The following GABRA3 variants were observed in gnomAD, a reference collection of about 807,000 sequenced individuals.
The protein encoded by GABRA3 is gamma-aminobutyric acid type A receptor subunit alpha3.
GABRA3 carries 10 observed loss-of-function variants against 30.1 expected under a neutral mutation model. The observed-to-expected ratio is 0.33, with a 90% CI of 0.20 to 0.56. The LOEUF is 0.56. Among genes scored for constraint, GABRA3 ranks in the 20% least tolerant of loss-of-function variants. The pLI, the probability that GABRA3 is intolerant of heterozygous loss-of-function variation, is 0.89. For missense variants in GABRA3, 233 were observed against 392.0 expected (o/e 0.59, Z 3.42); for synonymous variants, 151 against 146.8 (o/e 1.03, Z -0.21).
At chrX:152,331,925 A>T (rs1442144707) in intron 3 of GABRA3, among the ~76,000 whole-genome samples, 1 of 112,068 alleles carries the variant, frequency 8.9e-6, no homozygotes, top group Non-Finnish European at 1.9e-5. Context: ...AAATAAATCT[A>T]CATTTAGTCA....
At chrX:152,342,693 A>G (rs1206332514) in intron 3 of GABRA3, among the ~76,000 whole-genome samples, 1 of 111,478 alleles carries the variant, frequency 9.0e-6, no homozygotes, top group Non-Finnish European at 1.9e-5. Flanking sequence ...TTTTACTGCT[A>G]TAAATATTTT....
intron 3 of GABRA3, among the ~76,000 whole-genome samples, chrX:152,326,305 T>C (rs1013665335): frequency 1.8e-4 from 20 of 111,566 alleles, no homozygotes; most frequent in African/African-American, 5.9e-4. Flanking sequence ...GGAGAACTTC[T>C]CCAACCTAGC....
chrX:152,194,755 C>T (rs1162316366), intron 8 of GABRA3, among the ~76,000 whole-genome samples: 1 of 110,959 alleles, frequency 9.0e-6, no homozygotes, highest in Non-Finnish European at 1.9e-5. Context: ...TTTAGGCTTT[C>T]TTATTTTCTT....
intron 9 of GABRA3, among the ~76,000 whole-genome samples, chrX:152,170,314 CTTTA>C (rs1343215646): frequency 3.6e-5 from 4 of 112,029 alleles, no homozygotes; most frequent in Non-Finnish European, 5.6e-5. Flanking sequence ...GCCAAGGACA[CTTTA>C]TTTATTTATT....
At chrX:152,273,582 A>G (rs1938988286) in intron 4 of GABRA3, among the ~76,000 whole-genome samples, 2 of 112,611 alleles carry the variant, frequency 1.8e-5, no homozygotes, top group African/African-American at 6.4e-5. Context: ...TACGGTATGT[A>G]TATGTAATGA....
rs1415368532 is a variant in GABRA3 at position 152,182,299 on chromosome X, T to TTA, written c.1143+7429_1143+7430dup. On this transcript the variant is annotated intron_variant, in intron 9 of 9. Coordinates refer to ENST00000370314, the MANE Select transcript of GABRA3 (RefSeq NM_000808.4). ...ACCCTTACAGCCATTGCCTGACGTG[T>TTA]TATATATATATATACACACACACAC... 4.7e-3 allele frequency among the ~76,000 whole-genome samples: 447 copies of TTA among 95,130 alleles called. 4 individuals are homozygous for TTA. Among genetic ancestry groups the TTA allele is most frequent in the African/African-American group, 0.016 (397 of 24,460 alleles). 82.6% of individuals were successfully genotyped at this position (95,130 alleles called of 115,157 possible). A position where few individuals can be genotyped will look rare whatever the true frequency, so the allele number is the denominator to read the frequency against.
intron 6 of GABRA3, among the ~76,000 whole-genome samples, chrX:152,210,406 C>T (rs192511419): frequency 1.7e-4 from 19 of 111,804 alleles, no homozygotes; most frequent in Admixed American, 5.7e-4. Flanking sequence ...GCTCTTAATT[C>T]TCTTGTAAGT....
chrX:152,300,381 TA>T (rs1939609259), intron 3 of GABRA3, among the ~76,000 whole-genome samples: 1 of 111,056 alleles, frequency 9.0e-6, no homozygotes, highest in Admixed American at 9.6e-5. Context: ...AAACTAAACT[TA>T]ACTAAGTTGA....
chrX:152,312,494 T>C (rs1233837760), intron 3 of GABRA3, among the ~76,000 whole-genome samples: 1 of 112,006 alleles, frequency 8.9e-6, no homozygotes, highest in Non-Finnish European at 1.9e-5. Context: ...TCAAGGTAGA[T>C]TAAAGACTTA....
At chrX:152,241,683 C>T (rs1238626222) in intron 5 of GABRA3, among the ~76,000 whole-genome samples, 3 of 109,358 alleles carry the variant, frequency 2.7e-5, no homozygotes, top group Non-Finnish European at 3.8e-5. Flanking sequence ...ACCCTCTGAG[C>T]CAGGTGTGGG....
chrX:152,429,749 C>T (rs1231629322), intron 1 of GABRA3, among the ~76,000 whole-genome samples: 1 of 112,077 alleles, frequency 8.9e-6, no homozygotes, highest in Non-Finnish European at 1.9e-5. Context: ...CACAATAAGA[C>T]TCTCCTCCTG....
chrX:152,405,832 G>C (rs1929920163), intron 1 of GABRA3, among the ~76,000 whole-genome samples: 1 of 110,991 alleles, frequency 9.0e-6, no homozygotes, highest in Non-Finnish European at 1.9e-5. Flanking sequence ...CTAGGCAATA[G>C]ATTCCATGGC....
chrX:152,439,742 T>C (rs1930871888), intron 1 of GABRA3, among the ~76,000 whole-genome samples: 1 of 111,233 alleles, frequency 9.0e-6, no homozygotes, highest in Non-Finnish European at 1.9e-5. Flanking sequence ...TACTCAGCAA[T>C]AATAAAGAAT....
intron 3 of GABRA3, among the ~76,000 whole-genome samples, chrX:152,317,844 T>A (rs1487005613): frequency 9.0e-6 from 1 of 111,329 alleles, no homozygotes; most frequent in African/African-American, 3.3e-5. Flanking sequence ...GTTCATAGCC[T>A]TAAATGCCTA....
chrX:152,208,150 G>A lies in GABRA3; in HGVS notation c.635-6C>T. On this transcript the variant is annotated splice_polypyrimidine_tract_variant and splice_region_variant and intron_variant, in intron 6 of 9. Transcript: ENST00000370314. The stretch of plus-strand genomic sequence containing the variant: ...TTCAGCTGTTGTATAGGCATCTAAG[G>A]CAGAGAAGGGTCAATAAAGAGAAGT... 8.3e-7 allele frequency: 1 copy of A among 1,205,761 alleles called. No individual in the cohort carries two copies.
intron 6 of GABRA3, among the ~76,000 whole-genome samples, chrX:152,223,649 C>CAT (rs766522590): frequency 0.026 from 2,773 of 105,159 alleles, 45 homozygotes; most frequent in Middle Eastern, 0.064. Flanking sequence ...GCTCTATTTC[C>CAT]ATATATATAT....
intron 5 of GABRA3, among the ~76,000 whole-genome samples, chrX:152,241,696 A>G (rs1938376944): frequency 9.2e-6 from 1 of 109,108 alleles, no homozygotes; most frequent in Admixed American, 9.7e-5. Context: ...GGTGTGGGAT[A>G]TAGTCTCGTG....
intron 1 of GABRA3, among the ~76,000 whole-genome samples, chrX:152,440,854 G>A (rs1430159903): frequency 9.1e-6 from 1 of 110,482 alleles, no homozygotes; most frequent in Non-Finnish European, 1.9e-5. Flanking sequence ...CACACACTGG[G>A]GCCCGTCAGG....
In GABRA3 at chrX:152,168,129, A is replaced by G. The variant is rs200912301; in HGVS notation, c.*99T>C. The G allele has an allele frequency of 1.5e-6, 1 of 648,209 alleles. No individual in the cohort carries two copies. Among genetic ancestry groups the G allele is most frequent in the Non-Finnish European group, 2.4e-6 (1 of 408,941 alleles). The allele number at this position is 648,209 out of a possible 1,213,427, so 53.4% of individuals were successfully genotyped here. A position where few individuals can be genotyped will look rare whatever the true frequency, so the allele number is the denominator to read the frequency against. On this transcript the variant is annotated 3_prime_UTR_variant, in exon 10 of 10. Coordinates refer to ENST00000370314, the MANE Select transcript of GABRA3 (RefSeq NM_000808.4). ...GTCACAGCTTGGTAGAGGGGTAAAAAGGAGAATCCTGAAATACGCGAAGGG... is the reference window on the plus strand; with the variant it reads ...GTCACAGCTTGGTAGAGGGGTAAAAGGGAGAATCCTGAAATACGCGAAGGG...
Sources: gnomAD v4.1 joint callset for allele counts (sites outside exome capture counted in the v4.1 genomes callset) on GRCh38, gnomAD v4.1.1 for gene constraint, MANE v1.5 for transcripts, NCBI Gene and HGNC (gene_info 2026-07-23, HGNC 2026-07-21) for gene names.